CHD9: variants seen among roughly 807,000 people sequenced by gnomAD.
CHD9 encodes the protein ATP-dependent chromatin remodeler CHD9.
Under a neutral mutation model 316.1 loss-of-function variants are expected in CHD9, and 77 were observed. That is an observed-to-expected ratio of 0.24 (90% CI 0.20 to 0.29). CHD9 has a LOEUF of 0.29. CHD9 is among the 10% of genes least tolerant of loss of function. The pLI is 1.00. For missense variants in CHD9, 2,763 were observed against 3,438.1 expected (o/e 0.80, Z 4.91); for synonymous variants, 1,129 against 1,158.3 (o/e 0.97, Z 0.51).
chr16:53,195,046 A>G (rs1300157312), intron 2 of CHD9, among the ~76,000 whole-genome samples: 1 of 152,226 alleles, frequency 6.6e-6, no homozygotes, highest in Non-Finnish European at 1.5e-5. Context: ...TTGAGTTATA[A>G]TCTTTTAATA....
At position 53,238,567 on chromosome 16, in the gene CHD9, T is replaced by C. The variant is rs759381456; in HGVS notation, c.2858T>C (p.Met953Thr). 2.5e-6 allele frequency: 4 copies of C among 1,613,270 alleles called. No homozygotes were observed. The highest frequency in any genetic ancestry group is 3.3e-5 in the Admixed American group (2 of 59,998). ...AGACAAATGATACAGCAATACGAGA[T>C]GTACTTCAGGGATTCACAGGTGTGT... ...ISRQMIQQYE[M>T]YFRDSQGRII... The change falls in exon 12 of 39, where the codon ATG becomes ACG. Residue 953 changes from methionine (M) to threonine (T), a missense_variant. Coordinates refer to ENST00000447540, the MANE Select transcript of CHD9 (RefSeq NM_001308319.2).
At chr16:53,098,844 T>C (rs2036596471) in intron 1 of CHD9, among the ~76,000 whole-genome samples, 1 of 152,152 alleles carries the variant, frequency 6.6e-6, no homozygotes, top group African/African-American at 2.4e-5. Context: ...GGTGCATCAT[T>C]AGATAAATGC....
At chr16:53,279,190 T>G (rs2053165986) in intron 24 of CHD9, among the ~76,000 whole-genome samples, 2 of 152,128 alleles carry the variant, frequency 1.3e-5, no homozygotes, top group South Asian at 4.1e-4. Flanking sequence ...TAAAAAATGA[T>G]GAGTTCATGT....
chr16:53,267,525 T>C (rs1182934312), intron 21 of CHD9, 35 bp downstream of exon 21: 50 of 1,435,122 alleles, frequency 3.5e-5, no homozygotes, highest in Non-Finnish European at 4.8e-5. Flanking sequence ...CTCTAAGTAG[T>C]CTGGTATGTA....
chr16:53,109,509 A>T (rs1043907952), intron 1 of CHD9, among the ~76,000 whole-genome samples: 5 of 146,668 alleles, frequency 3.4e-5, no homozygotes, highest in Admixed American at 6.9e-5. Context: ...AATTTTTTGT[A>T]TTTCTAGTAG....
At chr16:53,128,975 T>C (rs1269995320) in intron 1 of CHD9, among the ~76,000 whole-genome samples, 1 of 152,052 alleles carries the variant, frequency 6.6e-6, no homozygotes, top group African/African-American at 2.4e-5. Flanking sequence ...GTCAGCCCAG[T>C]AGTGAGGAAG....
At chr16:53,279,510 T>G (rs2153029073) in intron 24 of CHD9, among the ~76,000 whole-genome samples, 1 of 152,194 alleles carries the variant, frequency 6.6e-6, no homozygotes, top group East Asian at 1.9e-4. Context: ...TGAAGTATAA[T>G]AATAAAAATC....
rs1452886551 is a variant in CHD9 at position 53,201,928 on chromosome 16, AGCT to A, written c.1453-7553_1453-7551del. ...CAACTTGAGTACAGGGGCTAATCATAGCTCACTGCAACCTCAAGCTCCTGGGCT... is the reference window on the plus strand; with the variant it reads ...CAACTTGAGTACAGGGGCTAATCATACACTGCAACCTCAAGCTCCTGGGCT... On this transcript the variant is annotated intron_variant, in intron 2 of 38. Transcript: ENST00000447540. Among the ~76,000 whole-genome samples the A allele has an allele frequency of 2.6e-5, 4 of 151,944 alleles. No homozygotes were observed. The East Asian group carries it at 7.8e-4, about 30-fold the overall frequency.
chr16:53,139,439 A>G (rs1214942597), intron 1 of CHD9, among the ~76,000 whole-genome samples: 1 of 152,214 alleles, frequency 6.6e-6, no homozygotes, highest in African/African-American at 2.4e-5. Flanking sequence ...TAATTGAACC[A>G]AGGACTGGCA....
chr16:53,077,417 G>T (rs561394498), intron 1 of CHD9, among the ~76,000 whole-genome samples: 1 of 151,840 alleles, frequency 6.6e-6, no homozygotes, highest in Non-Finnish European at 1.5e-5. Context: ...TCTGCCTTCT[G>T]GGTTCATGCC....
At chr16:53,203,558 C>G (rs1015902436) in intron 2 of CHD9, among the ~76,000 whole-genome samples, 1 of 152,162 alleles carries the variant, frequency 6.6e-6, no homozygotes, top group African/African-American at 2.4e-5. Context: ...AAACTTCTAT[C>G]CACCTAGTCC....
At chr16:53,102,549 TA>T (rs1478875958) in intron 1 of CHD9, among the ~76,000 whole-genome samples, 3 of 152,066 alleles carry the variant, frequency 2.0e-5, no homozygotes, top group Non-Finnish European at 2.9e-5. Flanking sequence ...CCACAATAAA[TA>T]TTTTTTTAAT....
Position 53,070,489 on chromosome 16 carries a change from T to TTCCTTCC in CHD9, c.-165+15413_-165+15414insCCTTCCT, listed in dbSNP as rs1567306287. On this transcript the variant is annotated intron_variant, in intron 1 of 38. Coordinates refer to ENST00000447540, the MANE Select transcript of CHD9 (RefSeq NM_001308319.2). Reference sequence around the variant, plus strand: ...TAGCATGTCTTTCTTTCTTTCTTTCTTTCCTTCCTTCCTTCCTTCCTTCCT... The same window carrying TTCCTTCC: ...TAGCATGTCTTTCTTTCTTTCTTTCTTCCTTCCTTCCTTCCTTCCTTCCTTCCTTCCT... 1.5e-3 allele frequency among the ~76,000 whole-genome samples: 211 copies of TTCCTTCC among 144,834 alleles called. 1 individual carries two copies. Among genetic ancestry groups the TTCCTTCC allele is most frequent in the African/African-American group, 5.3e-3 (198 of 37,632 alleles).
At chr16:53,108,628 T>A (rs1391650194) in intron 1 of CHD9, among the ~76,000 whole-genome samples, 1 of 151,740 alleles carries the variant, frequency 6.6e-6, no homozygotes, top group South Asian at 2.1e-4. Context: ...TAATCCCAGC[T>A]CTTTGGGAGA....
chr16:53,235,415 A>G (rs912366747), intron 11 of CHD9, 109 bp downstream of exon 11: 12 of 782,008 alleles, frequency 1.5e-5, no homozygotes, highest in Non-Finnish European at 2.3e-5. Flanking sequence ...TGAAGTCTTC[A>G]TTATTTAAAG....
intron 19 of CHD9, among the ~76,000 whole-genome samples, chr16:53,257,765 T>G (rs8053150): frequency 0.28 from 42,262 of 151,932 alleles, 5,962 homozygotes; most frequent in Middle Eastern, 0.32. Context: ...AGAAAAAAAG[T>G]AGTTCCTTTT....
chr16:53,157,602 G>T, intron 2 of CHD9, 61 bp downstream of exon 2: 1 of 1,461,298 alleles, frequency 6.8e-7, no homozygotes, highest in Admixed American at 2.3e-5. Context: ...TTAGTCATTG[G>T]GTTAATTTTA....
chr16:53,284,642 G>A (rs925594220), intron 24 of CHD9, among the ~76,000 whole-genome samples: 1 of 152,078 alleles, frequency 6.6e-6, no homozygotes, highest in African/African-American at 2.4e-5. Flanking sequence ...GTAGTTATTT[G>A]TTACTTATAA....
chr16:53,207,907 G>A (rs968312553), intron 2 of CHD9: 3 of 308,270 alleles, frequency 9.7e-6, no homozygotes, highest in African/African-American at 6.8e-5. Context: ...AAATTGCAGA[G>A]TCTAATGGAA....
Sources: allele counts gnomAD v4.1 joint callset (sites outside exome capture counted in the v4.1 genomes callset), GRCh38; gene constraint gnomAD v4.1.1; transcripts MANE v1.5; gene names NCBI Gene and HGNC (gene_info 2026-07-23, HGNC 2026-07-21).